ZNF420: variants seen among roughly 807,000 people sequenced by gnomAD.
The protein encoded by ZNF420 is ATM and p53-associated KZNF protein.
In ZNF420, 31 loss-of-function variants were observed where a neutral mutation model predicts 44.7. That is an observed-to-expected ratio of 0.69 (90% CI 0.52 to 0.94). The LOEUF (loss-of-function observed/expected upper bound fraction) is 0.94, where lower values mean the gene tolerates loss of function less well. Among genes scored for constraint, ZNF420 ranks in the 40% least tolerant of loss-of-function variants. The pLI is 0.00. For missense variants in ZNF420, 681 were observed against 827.9 expected (o/e 0.82, Z 2.18); for synonymous variants, 245 against 267.4 (o/e 0.92, Z 0.82).
Position 37,129,177 on chromosome 19 carries a change from A to G in ZNF420, c.*119A>G. The G allele has an allele frequency of 1.6e-6, 2 of 1,279,956 alleles. No homozygotes were observed. The highest frequency in any genetic ancestry group is 2.1e-6 in the Non-Finnish European group (2 of 933,654). The allele number at this position is 1,279,956 out of a possible 1,614,324, so 79.3% of individuals were successfully genotyped here. ...CATAAAGCACAGCATCAGATAATTT[A>G]TGTGAGAGAAAATGGTAGTGTCATT... On this transcript the variant is annotated 3_prime_UTR_variant, in exon 5 of 5. Coordinates refer to ENST00000337995, the MANE Select transcript of ZNF420 (RefSeq NM_144689.5).
intron 1 of ZNF420, among the ~76,000 whole-genome samples, chr19:37,020,066 A>C (rs561010247): frequency 1.3e-5 from 2 of 151,982 alleles, no homozygotes; most frequent in South Asian, 2.1e-4. Flanking sequence ...AAATACAAAA[A>C]ATGAGCCGGG....
intron 4 of ZNF420, among the ~76,000 whole-genome samples, chr19:37,114,156 T>G (rs1433407137): frequency 6.6e-6 from 1 of 152,196 alleles, no homozygotes; most frequent in Non-Finnish European, 1.5e-5. Flanking sequence ...CTCCTTGTTT[T>G]CTTGCCTTAT....
rs187888281 is a variant in ZNF420 at position 37,052,488 on chromosome 19, A to G, written c.-124-27857A>G. ...TCTTTACAATTTGGCATGTTTTTGC[A>G]GTGGCTGGTACCGGTTGCTCCTTTC... On this transcript the variant is annotated intron_variant, in intron 1 of 4. Transcript: ENST00000587029. 1.9e-3 allele frequency among the ~76,000 whole-genome samples: 290 copies of G among 152,288 alleles called. 2 individuals carry two copies. The highest frequency in any genetic ancestry group is 0.018 in the East Asian group (91 of 5,182).
At chr19:37,120,157 G>A (rs1480332180) in intron 4 of ZNF420, among the ~76,000 whole-genome samples, 2 of 152,196 alleles carry the variant, frequency 1.3e-5, no homozygotes, top group African/African-American at 4.8e-5. Context: ...AAGCCTGGCA[G>A]AGACACAGCC....
At chr19:37,083,493 T>C (rs1968586818) in intron 2 of ZNF420, among the ~76,000 whole-genome samples, 1 of 152,190 alleles carries the variant, frequency 6.6e-6, no homozygotes, top group Non-Finnish European at 1.5e-5. Flanking sequence ...TTATTCTGTG[T>C]TTTTCTTTTA....
intron 1 of ZNF420, among the ~76,000 whole-genome samples, chr19:37,045,426 G>T (rs1356613502): frequency 2.0e-5 from 3 of 152,180 alleles, no homozygotes; most frequent in South Asian, 4.1e-4. Context: ...AGATTTGAAG[G>T]TTTATGAAGG....
At chr19:37,107,297 C>G (rs200855273) in intron 4 of ZNF420, 1 of 152,454 alleles carries the variant, frequency 6.6e-6, no homozygotes, top group East Asian at 1.9e-4. Context: ...GCAGAGGTCC[C>G]TGTGGCCTTC....
intron 4 of ZNF420, among the ~76,000 whole-genome samples, chr19:37,098,859 G>C (rs534231833): frequency 6.5e-4 from 99 of 152,138 alleles, no homozygotes; most frequent in African/African-American, 2.3e-3. Context: ...CTCAGCATCT[G>C]GTAACCACTG....
chr19:37,124,111 C>T (rs899513529), intron 4 of ZNF420, among the ~76,000 whole-genome samples: 36 of 152,246 alleles, frequency 2.4e-4, no homozygotes, highest in African/African-American at 8.4e-4. Context: ...TTTAACCATT[C>T]CCAGCCTATG....
intron 4 of ZNF420, among the ~76,000 whole-genome samples, chr19:37,124,685 G>A (rs1971247852): frequency 6.7e-6 from 1 of 149,616 alleles, no homozygotes; most frequent in Non-Finnish European, 1.5e-5. Context: ...CTTTTTTTAT[G>A]AGCCAGAGTC....
At chr19:37,058,675 C>T (rs1967803691) in intron 1 of ZNF420, among the ~76,000 whole-genome samples, 2 of 147,636 alleles carry the variant, frequency 1.4e-5, no homozygotes, top group Admixed American at 1.4e-4. Flanking sequence ...TTGGCGTTGA[C>T]TGGGAGGTCA....
intron 4 of ZNF420, chr19:37,107,634 C>T (rs1202204414): frequency 6.6e-6 from 1 of 152,254 alleles, no homozygotes; most frequent in Admixed American, 6.6e-5. Flanking sequence ...AAACCGCCAT[C>T]GTCATCATGG....
chr19:37,077,344 G>C (rs1334484097), upstream of ZNF420, among the ~76,000 whole-genome samples: 1 of 152,070 alleles, frequency 6.6e-6, no homozygotes, highest in African/African-American at 2.4e-5. Flanking sequence ...TTTATTAGTT[G>C]ATGGCCTCTC....
chr19:37,090,928 AAAAAG>A, intron 3 of ZNF420, 62 bp from the exon 4 acceptor site: 2 of 1,540,906 alleles, frequency 1.3e-6, no homozygotes, highest in Non-Finnish European at 1.8e-6. Context: ...TCAAAAAAAA[AAAAAG>A]AAAGAAAAAA....
intron 1 of ZNF420, among the ~76,000 whole-genome samples, chr19:37,043,829 T>G (rs113752815): frequency 0.23 from 35,356 of 152,054 alleles, 4,847 homozygotes; most frequent in Non-Finnish European, 0.32. Flanking sequence ...GAATTGACTG[T>G]GGCTTGTTGG....
chr19:37,012,436 G>T (rs1224715578), intron 1 of ZNF420, among the ~76,000 whole-genome samples: 1 of 152,244 alleles, frequency 6.6e-6, no homozygotes, highest in Non-Finnish European at 1.5e-5. Flanking sequence ...TGCAGTGCTT[G>T]GGTGTCGGGG....
At chr19:37,125,224 C>G (rs1214805116) in intron 4 of ZNF420, among the ~76,000 whole-genome samples, 1 of 152,146 alleles carries the variant, frequency 6.6e-6, no homozygotes, top group Non-Finnish European at 1.5e-5. Flanking sequence ...TGCCTGGGAA[C>G]TCTAGGATGT....
intron 1 of ZNF420, among the ~76,000 whole-genome samples, chr19:37,011,552 G>T (rs929488501): frequency 6.6e-6 from 1 of 152,154 alleles, no homozygotes; most frequent in African/African-American, 2.4e-5. Context: ...GCATTGGAGA[G>T]GTGGGGGTGA....
intron 1 of ZNF420, among the ~76,000 whole-genome samples, chr19:37,042,550 T>G (rs903036609): frequency 1.3e-5 from 2 of 152,226 alleles, no homozygotes; most frequent in African/African-American, 4.8e-5. Context: ...AGACTCAAAT[T>G]AGTCCAAGGG....
Sources: gnomAD v4.1 joint callset for allele counts (sites outside exome capture counted in the v4.1 genomes callset) on GRCh38, gnomAD v4.1.1 for gene constraint, MANE v1.5 for transcripts, NCBI Gene and HGNC (gene_info 2026-07-23, HGNC 2026-07-21) for gene names.